The following NFIB variants were observed in gnomAD, a reference collection of about 807,000 sequenced individuals.
NFIB encodes the protein nuclear factor 1 B-type.
A neutral mutation model predicts 61.5 loss-of-function variants in NFIB; 11 were observed. The observed-to-expected ratio is 0.18, with a 90% CI of 0.11 to 0.30. The LOEUF is 0.30. Among genes scored for constraint, NFIB ranks in the 10% least tolerant of loss-of-function variants. NFIB has a pLI of 1.00. For synonymous variants in NFIB, 260 were observed against 216.5 expected (o/e 1.20, Z -1.76); for missense variants, 471 against 608.9 (o/e 0.77, Z 2.38).
intron 2 of NFIB, among the ~76,000 whole-genome samples, chr9:14,213,243 T>G (rs893445123): frequency 6.6e-6 from 1 of 152,154 alleles, no homozygotes; most frequent in Non-Finnish European, 1.5e-5. Context: ...CATCCACCAG[T>G]AGGTTGATCT....
intron 1 of NFIB, among the ~76,000 whole-genome samples, chr9:14,359,711 T>C (rs1020269896): frequency 6.6e-6 from 1 of 152,174 alleles, no homozygotes; most frequent in Admixed American, 6.5e-5. Flanking sequence ...TGATACAAGC[T>C]AGGGCAATGG....
chr9:14,092,914 A>G (rs971594987), intron 10 of NFIB, among the ~76,000 whole-genome samples: 1 of 152,072 alleles, frequency 6.6e-6, no homozygotes, highest in Non-Finnish European at 1.5e-5. Context: ...CAAAGAGTAA[A>G]GAGCTATACC....
chr9:14,385,655 T>A (rs2133014669), intron 1 of NFIB, among the ~76,000 whole-genome samples: 1 of 152,320 alleles, frequency 6.6e-6, no homozygotes, highest in African/African-American at 2.4e-5. Context: ...TATACAGCCT[T>A]CTTGCCATTT....
rs558202935 is a variant in NFIB at position 14,199,230 on chromosome 9, T to C, written c.563-19450A>G. On this transcript the variant is annotated intron_variant, in intron 2 of 10. Coordinates refer to ENST00000380953, the MANE Select transcript of NFIB (RefSeq NM_001190737.2). The stretch of plus-strand genomic sequence containing the variant: ...CTGAAGGAAGATTTTTTGGCAATTG[T>C]GTTCTGGCAGCTCCCTGGAAGGCAA... Among the ~76,000 whole-genome samples the C allele has an allele frequency of 8.5e-5, 13 of 152,310 alleles. No individual in the cohort carries two copies. The South Asian group carries it at 2.1e-3, about 24-fold the overall frequency.
At chr9:14,152,549 A>G (rs993995607) in intron 4 of NFIB, among the ~76,000 whole-genome samples, 11 of 152,122 alleles carry the variant, frequency 7.2e-5, no homozygotes, top group African/African-American at 2.7e-4. Flanking sequence ...TATTAACAGG[A>G]AACTTAGAGG....
At chr9:14,310,205 G>A (rs182960159) in intron 1 of NFIB, among the ~76,000 whole-genome samples, 52 of 152,236 alleles carry the variant, frequency 3.4e-4, no homozygotes, top group African/African-American at 1.1e-3. Flanking sequence ...GTTTTTAAAC[G>A]TTCCTTTGAC....
At position 14,313,534 on chromosome 9, in the gene NFIB, T is replaced by G; in HGVS notation, c.-23A>C. The G allele has an allele frequency of 1.2e-6, 2 of 1,613,500 alleles. No individual in the cohort carries two copies. Among genetic ancestry groups the G allele is most frequent in the East Asian group, 2.2e-5 (1 of 44,782 alleles). On this transcript the variant is annotated 5_prime_UTR_variant, in exon 1 of 11. Transcript: ENST00000380953. The surrounding 1 kb of genome is among the most constrained non-coding windows in gnomAD (Gnocchi z 4.5). ...CATGACTTCGCCTTAAAACGCACTT[T>G]CCGGGAGATGCCCAAGAAAATCTTC...
intron 2 of NFIB, among the ~76,000 whole-genome samples, chr9:14,242,075 C>T (rs75425617): frequency 2.0e-5 from 3 of 152,086 alleles, no homozygotes; most frequent in African/African-American, 4.8e-5. Flanking sequence ...CAGCAAAAGG[C>T]GACAGAGTCC....
intron 2 of NFIB, among the ~76,000 whole-genome samples, chr9:14,210,074 G>A (rs1005301359): frequency 1.3e-5 from 2 of 151,980 alleles, no homozygotes; most frequent in South Asian, 2.1e-4. Flanking sequence ...ATTTGTCTCC[G>A]ACTTTGCCTA....
chr9:14,457,783 G>T, the NFIB span, among the ~76,000 whole-genome samples: 1 of 151,902 alleles, frequency 6.6e-6, no homozygotes, highest in South Asian at 2.1e-4. Context: ...TGGATAAATT[G>T]CTGGACACAT....
the NFIB span, among the ~76,000 whole-genome samples, chr9:14,442,498 C>T: frequency 6.6e-6 from 1 of 152,114 alleles, no homozygotes; most frequent in East Asian, 1.9e-4. Flanking sequence ...ACAGCAGAGA[C>T]CGATCGCCTC....
the NFIB span, among the ~76,000 whole-genome samples, chr9:14,492,682 C>A: frequency 6.6e-6 from 1 of 152,104 alleles, no homozygotes; most frequent in East Asian, 1.9e-4. Context: ...CATGAAGGAT[C>A]CACCCCCATG....
At chr9:14,383,966 G>T (rs1484039321) in intron 1 of NFIB, among the ~76,000 whole-genome samples, 2 of 152,306 alleles carry the variant, frequency 1.3e-5, no homozygotes, top group East Asian at 3.9e-4. Context: ...GTATAGGAGG[G>T]CATGTGGCCA....
chr9:14,093,858 G>A (rs1459704382), intron 10 of NFIB, among the ~76,000 whole-genome samples: 1 of 152,004 alleles, frequency 6.6e-6, no homozygotes, highest in East Asian at 1.9e-4. Context: ...CCAGTAGAAG[G>A]AACAAACACT....
chr9:14,246,825 C>T (rs566682495), intron 2 of NFIB, among the ~76,000 whole-genome samples: 1 of 152,270 alleles, frequency 6.6e-6, no homozygotes, highest in South Asian at 2.1e-4. Context: ...AATGCATATG[C>T]TGAAGACCCA....
Position 14,307,636 on chromosome 9 carries a change from A to G in NFIB, c.31-116T>C, listed in dbSNP as rs2060083885. 3 of 974,370 alleles carry G rather than the reference A, an allele frequency of 3.1e-6. No homozygotes were observed. Among genetic ancestry groups the G allele is most frequent in the Non-Finnish European group, 4.3e-6 (3 of 694,276 alleles). 60.4% of individuals were successfully genotyped at this position (974,370 alleles called of 1,614,324 possible). Reference sequence around the variant, plus strand: ...TCCAATTCAGTACAAAAAGTTATACATGAAAATAACATTCCTTTCTTATTT... The same window carrying G: ...TCCAATTCAGTACAAAAAGTTATACGTGAAAATAACATTCCTTTCTTATTT... On this transcript the variant is annotated intron_variant, in intron 1 of 10. Transcript: ENST00000380953. The surrounding 1 kb of genome is among the most constrained non-coding windows in gnomAD (Gnocchi z 5.3).
chr9:14,090,751 G>C (rs886270816), intron 10 of NFIB, among the ~76,000 whole-genome samples: 1 of 152,016 alleles, frequency 6.6e-6, no homozygotes, highest in Non-Finnish European at 1.5e-5. Flanking sequence ...ATTAACAAGA[G>C]TGCCAAATTA....
intron 5 of NFIB, among the ~76,000 whole-genome samples, chr9:14,149,463 T>A (rs922839657): frequency 2.6e-5 from 4 of 151,906 alleles, no homozygotes; most frequent in Non-Finnish European, 5.9e-5. Context: ...TAAAAAAAAA[T>A]TAACACATCT....
the NFIB span, among the ~76,000 whole-genome samples, chr9:14,520,755 A>C: frequency 6.6e-6 from 1 of 152,270 alleles, no homozygotes; most frequent in Non-Finnish European, 1.5e-5. Flanking sequence ...TTCATTTAAA[A>C]AGATGAAATA....
Sources: gnomAD v4.1 joint callset for allele counts (sites outside exome capture counted in the v4.1 genomes callset) on GRCh38, gnomAD v4.1.1 for gene constraint, Gnocchi (gnomAD v3.1) non-coding constraint, MANE v1.5 for transcripts, NCBI Gene and HGNC (gene_info 2026-07-23, HGNC 2026-07-21) for gene names.